KLK6: variants seen among roughly 807,000 people sequenced by gnomAD.
The protein encoded by KLK6 is kallikrein-6.
In KLK6, 16 loss-of-function variants were observed where a neutral mutation model predicts 21.7. That is an observed-to-expected ratio of 0.74 (90% confidence interval 0.50 to 1.12). The LOEUF (loss-of-function observed/expected upper bound fraction) is 1.12. Among genes scored for constraint, KLK6 ranks in the 50% most tolerant of loss-of-function variants. The probability of loss-of-function intolerance (pLI) is 0.00; values close to 1 mark genes in which losing one functional copy is unlikely to be tolerated. For synonymous variants in KLK6, 116 were observed against 120.1 expected, an observed-to-expected ratio of 0.97 and a Z score of 0.22; for missense variants, 276 against 304.6, an observed-to-expected ratio of 0.91 and a Z score of 0.70.
chr19:50,963,704 G>A (rs940328726), intron 4 of KLK6, 155 bp from the exon 5 acceptor site: 13 of 805,550 alleles, frequency 1.6e-5, no homozygotes, highest in Non-Finnish European at 2.3e-5. Context: ...TAATCTTGGG[G>A]GCTATTCTTC....
chr19:50,960,028 A>AGGAAGAGGAGGAGG (rs1430814166), intron 6 of KLK6, among the ~76,000 whole-genome samples: 2 of 76,080 alleles, frequency 2.6e-5, no homozygotes, highest in African/African-American at 6.7e-5. Context: ...GAGGAGGAGG[A>AGGAAGAGGAGGAGG]GGGGGAAGAC....
At chr19:50,968,299 C>A (rs559395065) in intron 2 of KLK6, 187 bp from the exon 3 acceptor site, 26 of 647,898 alleles carry the variant, frequency 4.0e-5, no homozygotes, top group Admixed American at 3.6e-4. Context: ...GAGGATCCCA[C>A]GAAAACAGTG....
intron 6 of KLK6, 130 bp from the exon 7 acceptor site, chr19:50,959,446 T>C: frequency 3.9e-6 from 3 of 778,434 alleles, no homozygotes; most frequent in Non-Finnish European, 6.0e-6. Flanking sequence ...AGGTACTTAC[T>C]GAAAGATGGA....
intron 6 of KLK6, among the ~76,000 whole-genome samples, chr19:50,959,763 G>A (rs1287042081): frequency 2.0e-4 from 5 of 24,602 alleles, no homozygotes; most frequent in East Asian, 1.7e-3. Flanking sequence ...AGGAGGAAGA[G>A]GAGAAGGAGG....
rs1227197566 is a variant in KLK6 at position 50,963,312 on chromosome 19, C to A, written c.435G>T (p.Lys145Asn). 9 of 1,613,494 alleles carry A rather than the reference C, an allele frequency of 5.6e-6. No homozygotes were observed. The highest frequency in any genetic ancestry group is 7.6e-6 in the Non-Finnish European group (9 of 1,179,484). ...TTSCHILGWG[K>N]TADGDFPDTI... ...CCTCCCACTACTGACCATCTGCTGTCTTGCCCCAGCCCAGGATGTGGCAGC... is the reference window on the plus strand; with the variant it reads ...CCTCCCACTACTGACCATCTGCTGTATTGCCCCAGCCCAGGATGTGGCAGC... Residue 145 changes from lysine (K) to asparagine (N), a missense_variant, in exon 5 of 7, where the codon AAG (lysine) becomes AAT (asparagine). Transcript: ENST00000310157.
intron 4 of KLK6, among the ~76,000 whole-genome samples, chr19:50,966,418 C>G (rs943852562): frequency 6.6e-6 from 1 of 152,226 alleles, no homozygotes; most frequent in Non-Finnish European, 1.5e-5. Flanking sequence ...CCTATGTCGC[C>G]GGATGAAAGC....
intron 6 of KLK6, among the ~76,000 whole-genome samples, chr19:50,960,037 A>AGGAGGG (rs2090809356): frequency 1.1e-5 from 1 of 93,040 alleles, no homozygotes; most frequent in African/African-American, 4.3e-5. Context: ...GAGGGGGAAG[A>AGGAGGG]CGAGGAGGAG....
intron 2 of KLK6, 104 bp from the exon 3 acceptor site, chr19:50,968,216 G>A: frequency 1.9e-6 from 2 of 1,033,938 alleles, no homozygotes; most frequent in South Asian, 1.3e-5. Context: ...GCCTGCTATG[G>A]TCTCCTGCCT....
At chr19:50,959,361 G>A (rs964021225) in intron 6 of KLK6, 45 bp from the exon 7 acceptor site, 64 of 1,498,440 alleles carry the variant, frequency 4.3e-5, no homozygotes, top group Non-Finnish European at 5.4e-5. Context: ...GAAACCCAGA[G>A]ACTGTGTGTG....
At position 50,958,830 on chromosome 19, in the gene KLK6, T is replaced by C. The variant is rs1053122769; in HGVS notation, c.*334A>G. On this transcript the variant is annotated 3_prime_UTR_variant, in exon 7 of 7. Coordinates refer to ENST00000310157, the MANE Select transcript of KLK6 (RefSeq NM_002774.4). The stretch of plus-strand genomic sequence containing the variant: ...GGACACCGACAGTAAGCAGCGGAGC[T>C]GGGATTCCAGACACGTGGCTGGGCC... 1.4e-4 allele frequency: 45 copies of C among 318,176 alleles called. No individual in the cohort carries two copies. The highest frequency in any genetic ancestry group is 8.7e-4 in the African/African-American group (41 of 47,262). The allele number at this position is 318,176 out of a possible 1,614,324, so 19.7% of individuals were successfully genotyped here.
intron 4 of KLK6, among the ~76,000 whole-genome samples, chr19:50,966,549 C>T (rs900635211): frequency 6.6e-6 from 1 of 152,218 alleles, no homozygotes; most frequent in African/African-American, 2.4e-5. Flanking sequence ...GCCTGTAATC[C>T]CAGCTCTTTG....
intron 5 of KLK6, chr19:50,962,575 T>C (rs2090860483): frequency 6.5e-6 from 1 of 153,210 alleles, no homozygotes; most frequent in African/African-American, 2.4e-5. Flanking sequence ...CTTCCCTCCT[T>C]GGTCCTTTTC....
intron 1 of KLK6, among the ~76,000 whole-genome samples, 172 bp downstream of exon 1, chr19:50,969,318 T>G (rs2090977765): frequency 1.3e-5 from 2 of 151,938 alleles, no homozygotes; most frequent in Non-Finnish European, 2.9e-5. Flanking sequence ...AGAAAGTGTC[T>G]GAAGACAAAT....
intron 4 of KLK6, among the ~76,000 whole-genome samples, chr19:50,964,760 C>T (rs978004842): frequency 6.6e-6 from 1 of 152,224 alleles, no homozygotes; most frequent in Non-Finnish European, 1.5e-5. Context: ...CATGGCTCCC[C>T]ATTGTCCTAA....
At chr19:50,962,248 C>T (rs537522966) in intron 5 of KLK6, 39 of 220,992 alleles carry the variant, frequency 1.8e-4, no homozygotes, top group Admixed American at 3.8e-4. Flanking sequence ...TCTGTTACGC[C>T]CTCCTCTACT....
chr19:50,959,462 A>G, intron 6 of KLK6, 146 bp from the exon 7 acceptor site: 1 of 692,954 alleles, frequency 1.4e-6, no homozygotes, highest in Non-Finnish European at 2.4e-6. Flanking sequence ...ATGGAGAGAA[A>G]GACTCAGGGA....
Position 50,967,206 on chromosome 19 carries a change from G to T in KLK6, c.160C>A (p.Pro54Thr). The T allele has an allele frequency of 1.2e-6, 2 of 1,614,074 alleles. No homozygotes were observed. Among genetic ancestry groups the T allele is most frequent in the Non-Finnish European group, 1.7e-6 (2 of 1,180,014 alleles). ...HLLCGGVLIHPLWVLTAAHCK... is the reference protein window; with the variant it reads ...HLLCGGVLIHTLWVLTAAHCK... ...TGGGCAGCTGTGAGGACCCACAGTG[G>T]ATGGATAAGGACCCCACCACAGAGC... Residue 54 changes from proline (P) to threonine (T), a missense_variant, in exon 4 of 7, where the codon CCA (proline) becomes ACA (threonine). Coordinates refer to ENST00000310157, the MANE Select transcript of KLK6 (RefSeq NM_002774.4).
chr19:50,967,511 CCACACACA>C (rs146062864), intron 3 of KLK6, among the ~76,000 whole-genome samples, 186 bp from the exon 4 acceptor site: 86 of 125,560 alleles, frequency 6.8e-4, no homozygotes, highest in African/African-American at 2.6e-3. Flanking sequence ...GACCTCATCT[CCACACACA>C]CACACACACA....
intron 4 of KLK6, 130 bp downstream of exon 4, chr19:50,967,039 C>T (rs759356465): frequency 7.7e-5 from 72 of 939,076 alleles, no homozygotes; most frequent in South Asian, 1.5e-4. Flanking sequence ...AAGCAACAGC[C>T]GAATGCACCT....
Sources: allele counts gnomAD v4.1 joint callset (sites outside exome capture counted in the v4.1 genomes callset), GRCh38; gene constraint gnomAD v4.1.1; transcripts MANE v1.5; gene names NCBI Gene and HGNC (gene_info 2026-07-23, HGNC 2026-07-21).